RNF150: variants seen among roughly 807,000 people sequenced by gnomAD.
RNF150 encodes ring finger protein 150.
RNF150 carries 24 observed loss-of-function variants against 39.3 expected under a neutral mutation model. The observed-to-expected ratio is 0.61, with a 90% CI of 0.44 to 0.86. The LOEUF (loss-of-function observed/expected upper bound fraction) is 0.86, where lower values mean the gene tolerates loss of function less well. Ranked by LOEUF, RNF150 falls within the 40% of genes least tolerant of loss-of-function variation. The pLI is 0.00. For missense variants in RNF150, 502 were observed against 587.8 expected (o/e 0.85, Z 1.51); for synonymous variants, 255 against 227.3 (o/e 1.12, Z -1.10).
intron 6 of RNF150, among the ~76,000 whole-genome samples, chr4:140,880,324 T>C (rs7681503): frequency 0.45 from 68,677 of 151,968 alleles, 16,081 homozygotes; most frequent in African/African-American, 0.57. Flanking sequence ...GTATACTGAA[T>C]CATCCTTGCA....
intron 1 of RNF150, among the ~76,000 whole-genome samples, chr4:141,175,928 A>G (rs907742899): frequency 4.6e-5 from 7 of 152,104 alleles, no homozygotes; most frequent in African/African-American, 1.7e-4. Flanking sequence ...TCTGTCACCC[A>G]GGCTTAAGTG....
intron 1 of RNF150, among the ~76,000 whole-genome samples, chr4:141,208,043 AC>A (rs1222602063): frequency 6.6e-6 from 1 of 152,254 alleles, no homozygotes; most frequent in East Asian, 1.9e-4. Context: ...ACAGGGAATC[AC>A]CACTGATGAT....
At chr4:140,908,523 C>T (rs1352653220) in intron 6 of RNF150, among the ~76,000 whole-genome samples, 1 of 151,986 alleles carries the variant, frequency 6.6e-6, no homozygotes, top group Non-Finnish European at 1.5e-5. Context: ...CCATCTTTAC[C>T]AGTAGCTTCC....
Position 140,967,641 on chromosome 4 carries a change from A to T in RNF150, c.717T>A (p.Asn239Lys). ...TACTCACCTGGTTCCTATCCCTGGCATTTGCATATCGAAACCTCTGGATGT... is the reference window on the plus strand; with the variant it reads ...TACTCACCTGGTTCCTATCCCTGGCTTTTGCATATCGAAACCTCTGGATGT... Reference protein sequence around the residue: ...FYYIQRFRYANARDRNQRRLG... With the variant: ...FYYIQRFRYAKARDRNQRRLG... Residue 239 changes from asparagine to lysine, a missense_variant, in exon 2 of 7, where the codon AAT becomes AAA. Coordinates refer to ENST00000515673, the MANE Select transcript of RNF150 (RefSeq NM_020724.2). 1 of 1,609,422 alleles carries T rather than the reference A, an allele frequency of 6.2e-7. No homozygotes were observed. The highest frequency in any genetic ancestry group is 1.1e-5 in the South Asian group (1 of 90,924).
At chr4:141,020,102 AT>A (rs58005040) in intron 1 of RNF150, among the ~76,000 whole-genome samples, 4 of 149,412 alleles carry the variant, frequency 2.7e-5, no homozygotes, top group South Asian at 2.1e-4. Flanking sequence ...TTGGTTTGAT[AT>A]TTTTTTTTTC....
chr4:141,020,067 G>A lies in RNF150; in HGVS notation c.485-52194C>T, dbSNP rs867616557. Among the ~76,000 whole-genome samples the A allele has an allele frequency of 4.6e-5, 7 of 150,914 alleles. No homozygotes were observed. The Middle Eastern group carries it at 0.024, about 520-fold the overall frequency. ...TCATCCACACAGCACTCTCTTCTCA[G>A]TTCTTTAGCCAAGGGAGTTTTTTTT... is the stretch of plus-strand genomic sequence containing the variant. On this transcript the variant is annotated intron_variant, in intron 1 of 6. Coordinates refer to ENST00000515673, the MANE Select transcript of RNF150 (RefSeq NM_020724.2).
rs1728720639 is a variant in RNF150, at chr4:140,866,623, G to C, written c.*1638C>G. 1 of 152,196 alleles carries C rather than the reference G, an allele frequency of 6.6e-6. No individual in the cohort carries two copies. The highest frequency in any genetic ancestry group is 6.5e-5 in the Admixed American group (1 of 15,276). The allele number at this position is 152,196 out of a possible 1,614,324, so 9.4% of individuals were successfully genotyped here. On this transcript the variant is annotated 3_prime_UTR_variant, in exon 7 of 7. Coordinates refer to ENST00000515673, the MANE Select transcript of RNF150 (RefSeq NM_020724.2). ...CCGTTGACCTGCACACCATGTTTCA[G>C]CAGGCGGCAAGGATTTACAGCAGAA... is the stretch of plus-strand genomic sequence containing the variant.
chr4:140,925,681 C>T (rs779160667), intron 5 of RNF150, among the ~76,000 whole-genome samples: 5 of 152,134 alleles, frequency 3.3e-5, no homozygotes, highest in Non-Finnish European at 7.4e-5. Flanking sequence ...TATCTGCTGC[C>T]GTCCCACCTG....
At chr4:141,023,224 AGATGATGATGATGAT>A (rs34239783) in intron 1 of RNF150, among the ~76,000 whole-genome samples, 8 of 150,374 alleles carry the variant, frequency 5.3e-5, no homozygotes, top group Non-Finnish European at 1.0e-4. Flanking sequence ...GAAACTGGTG[AGATGATGATGATGAT>A]GATGATGATG....
intron 1 of RNF150, among the ~76,000 whole-genome samples, chr4:140,995,426 G>C (rs191868626): frequency 2.3e-3 from 346 of 152,264 alleles, no homozygotes; most frequent in African/African-American, 7.9e-3. Context: ...TACAAACTAA[G>C]GTGTAGATTA....
chr4:141,030,011 C>T (rs1735872763), intron 1 of RNF150, among the ~76,000 whole-genome samples: 1 of 151,794 alleles, frequency 6.6e-6, no homozygotes, highest in African/African-American at 2.4e-5. Flanking sequence ...CCTGACTAAC[C>T]CAGCAAAACC....
intron 1 of RNF150, among the ~76,000 whole-genome samples, chr4:140,969,557 T>C (rs1560992675): frequency 6.6e-6 from 1 of 152,114 alleles, no homozygotes; most frequent in Non-Finnish European, 1.5e-5. Flanking sequence ...TAATCTGGCC[T>C]AGTGAGGCTC....
intron 1 of RNF150, among the ~76,000 whole-genome samples, chr4:141,057,561 G>A (rs991485906): frequency 4.6e-5 from 7 of 151,814 alleles, no homozygotes; most frequent in African/African-American, 1.7e-4. Flanking sequence ...CTTCCCCTCC[G>A]AGTCCCCAAA....
At chr4:140,887,513 A>G (rs569606595) in intron 6 of RNF150, among the ~76,000 whole-genome samples, 3 of 152,186 alleles carry the variant, frequency 2.0e-5, no homozygotes, top group African/African-American at 2.4e-5. Context: ...TTCCCTGGCT[A>G]TCATCCCACT....
chr4:141,066,174 C>T (rs2110933093), intron 1 of RNF150, among the ~76,000 whole-genome samples: 1 of 152,024 alleles, frequency 6.6e-6, no homozygotes, highest in Non-Finnish European at 1.5e-5. Context: ...GACCCTTCCC[C>T]TCTGGATGCA....
chr4:140,956,454 G>A (rs958515873), intron 2 of RNF150, among the ~76,000 whole-genome samples: 10 of 152,110 alleles, frequency 6.6e-5, no homozygotes, highest in Admixed American at 6.5e-5. Flanking sequence ...CAACTCAAAG[G>A]TCAAGAAGAG....
intron 6 of RNF150, among the ~76,000 whole-genome samples, chr4:140,883,441 G>A (rs1729449132): frequency 6.6e-6 from 1 of 152,244 alleles, no homozygotes; most frequent in Non-Finnish European, 1.5e-5. Flanking sequence ...ACTCACTTTA[G>A]CATTTCTTGT....
chr4:140,901,547 T>C (rs1050457128), intron 6 of RNF150, among the ~76,000 whole-genome samples: 3 of 152,250 alleles, frequency 2.0e-5, no homozygotes, highest in African/African-American at 7.2e-5. Context: ...ACATTCTCCT[T>C]TACCTTCCAT....
chr4:141,034,596 G>C, intron 1 of RNF150, among the ~76,000 whole-genome samples: 1 of 152,112 alleles, frequency 6.6e-6, no homozygotes, highest in Non-Finnish European at 1.5e-5. Context: ...ATCATTTCCT[G>C]CTTTTGATTT....
Sources: allele counts gnomAD v4.1 joint callset (sites outside exome capture counted in the v4.1 genomes callset), GRCh38; gene constraint gnomAD v4.1.1; transcripts MANE v1.5; gene names NCBI Gene and HGNC (gene_info 2026-07-23, HGNC 2026-07-21).